Variants in SRGAP3 observed in about 807,000 individuals in gnomAD.
The protein encoded by SRGAP3 is SLIT-ROBO Rho GTPase-activating protein 3.
A neutral mutation model predicts 121.1 loss-of-function variants in SRGAP3; 39 were observed. The observed-to-expected ratio is 0.32, with a 90% confidence interval of 0.25 to 0.42. The LOEUF is 0.42. Among genes scored for constraint, SRGAP3 ranks in the 10% least tolerant of loss-of-function variants. SRGAP3 has a pLI of 1.00. For missense variants in SRGAP3, 1,213 were observed against 1,470.6 expected (o/e 0.82, Z 2.86); for synonymous variants, 601 against 570.0 (o/e 1.05, Z -0.77).
chr3:9,045,347 T>C (rs1479626629), intron 10 of SRGAP3, among the ~76,000 whole-genome samples: 4 of 152,106 alleles, frequency 2.6e-5, no homozygotes, highest in Admixed American at 2.6e-4. Context: ...GCCCCTCTAC[T>C]TCTGAAAATG....
chr3:9,061,701 C>T (rs923287294), intron 5 of SRGAP3, among the ~76,000 whole-genome samples: 2 of 152,154 alleles, frequency 1.3e-5, no homozygotes, highest in African/African-American at 4.8e-5. Context: ...TGCACAAGGT[C>T]ATTTTCAGTC....
chr3:9,176,687 G>A (rs1043391505), intron 1 of SRGAP3, among the ~76,000 whole-genome samples: 12 of 152,210 alleles, frequency 7.9e-5, no homozygotes, highest in African/African-American at 2.9e-4. Context: ...GTCAAAGTAG[G>A]AGCAGGTGCA....
At chr3:9,346,293 G>A (rs1353176530) in intron 1 of SRGAP3, among the ~76,000 whole-genome samples, 1 of 151,890 alleles carries the variant, frequency 6.6e-6, no homozygotes, top group Non-Finnish European at 1.5e-5. Flanking sequence ...CACCCAGGCT[G>A]GAGTGCAGTG....
Position 9,143,361 on chromosome 3 carries a change from G to C in SRGAP3, c.68-18444C>G, listed in dbSNP as rs73119189. 7.9e-3 allele frequency among the ~76,000 whole-genome samples: 1,198 copies of C among 152,224 alleles called. 18 individuals carry two copies. The highest frequency in any genetic ancestry group is 0.027 in the African/African-American group (1,138 of 41,528). ...GGGTTGCCTAGTGCAGTCTGCTCTG[G>C]CAAGAACACAACTTAACAGATTCTA... On this transcript the variant is annotated intron_variant, in intron 1 of 21. Coordinates refer to ENST00000383836, the MANE Select transcript of SRGAP3 (RefSeq NM_014850.4).
At chr3:9,008,948 G>C (rs924443861) in intron 18 of SRGAP3, among the ~76,000 whole-genome samples, 1 of 152,154 alleles carries the variant, frequency 6.6e-6, no homozygotes, top group African/African-American at 2.4e-5. Context: ...GGAATTGCCA[G>C]AGACCACTGC....
chr3:8,990,841 T>A lies in SRGAP3; in HGVS notation c.2559-2A>T. The stretch of plus-strand genomic sequence containing the variant: ...GCTCCATCAGATCGTAACCGCACTC[T>A]GCAAAGGAGCCAGGGGGCGAGGGGC... On this transcript the variant is annotated splice_acceptor_variant, in intron 20 of 21. Coordinates refer to ENST00000383836, the MANE Select transcript of SRGAP3 (RefSeq NM_014850.4). LOFTEE classifies it high-confidence loss of function. 1 of 1,520,210 alleles carries A rather than the reference T, an allele frequency of 6.6e-7. No individual in the cohort carries two copies. The highest frequency in any genetic ancestry group is 2.1e-5 in the Admixed American group (1 of 47,020). 94.2% of individuals were successfully genotyped at this position (1,520,210 alleles called of 1,614,324 possible).
At chr3:9,124,491 G>C (rs1949143200) in intron 2 of SRGAP3, among the ~76,000 whole-genome samples, 1 of 152,152 alleles carries the variant, frequency 6.6e-6, no homozygotes, top group African/African-American at 2.4e-5. Flanking sequence ...CACTCTTCTT[G>C]GGTTGTTCAT....
At chr3:9,188,391 T>C (rs996799173) in intron 1 of SRGAP3, among the ~76,000 whole-genome samples, 1 of 152,112 alleles carries the variant, frequency 6.6e-6, no homozygotes, top group South Asian at 2.1e-4. Context: ...TGGCAGAGAG[T>C]TGTAGACCTA....
chr3:9,053,045 T>G lies in SRGAP3; in HGVS notation c.1305A>C (p.Thr435=). ...IAKRRANQQE[T]EMFYFTKFKE... ...CACTTACTGTAAAATAAAACATTTC[T>G]GTTTCCTGCTGGTTGGCTCTCCTCT... The change falls in exon 9 of 22, where the codon ACA becomes ACC. Residue 435 remains threonine (T), a synonymous_variant. Coordinates refer to ENST00000383836, the MANE Select transcript of SRGAP3 (RefSeq NM_014850.4). 4 of 1,614,132 alleles carry G rather than the reference T, an allele frequency of 2.5e-6. No homozygotes were observed. The East Asian group carries it at 8.9e-5, about 36-fold the overall frequency.
chr3:9,334,183 ATAAT>A (rs1230960559), intron 1 of SRGAP3, among the ~76,000 whole-genome samples: 1 of 152,164 alleles, frequency 6.6e-6, no homozygotes, highest in African/African-American at 2.4e-5. Context: ...CTATGAATAT[ATAAT>A]TATTTCAAAA....
chr3:9,054,833 T>C (rs557000087), intron 8 of SRGAP3, among the ~76,000 whole-genome samples: 2 of 152,380 alleles, frequency 1.3e-5, no homozygotes, highest in South Asian at 2.1e-4. Flanking sequence ...GTATGTGCTC[T>C]ATAAATACTT....
At chr3:9,074,889 C>T (rs1221484193) in intron 4 of SRGAP3, among the ~76,000 whole-genome samples, 1 of 152,188 alleles carries the variant, frequency 6.6e-6, no homozygotes, top group African/African-American at 2.4e-5. Context: ...AGGCCCTCCC[C>T]ACATGGCAAA....
At chr3:9,244,376 C>A (rs2125241710) in intron 1 of SRGAP3, among the ~76,000 whole-genome samples, 1 of 152,134 alleles carries the variant, frequency 6.6e-6, no homozygotes, top group Middle Eastern at 3.4e-3. Context: ...GGTCATCCTC[C>A]ATACCTGCCC....
In SRGAP3 at chr3:9,058,253, C is replaced by T. The variant is rs200240880; in HGVS notation, c.1021G>A (p.Glu341Lys). Residue 341 changes from glutamate to lysine, a missense_variant and splice_region_variant, in exon 7 of 22, where the codon GAG becomes AAG. Around this residue, in one of 2 missense-constraint regions of SRGAP3, gnomAD observed 793 missense variants for 1,032.9 expected, o/e 0.77. Coordinates refer to ENST00000383836, the MANE Select transcript of SRGAP3 (RefSeq NM_014850.4). ...CCGGGCTCCAGGAGGAAGCCTACCT[C>T]ATCCCCCATGTGGGGCTGGAACTCG... Reference protein sequence around the residue: ...KFEFQPHMGDEVCQVSAQQPV... With the variant: ...KFEFQPHMGDKVCQVSAQQPV... 1.2e-6 allele frequency: 2 copies of T among 1,614,158 alleles called. No individual in the cohort carries two copies. Among genetic ancestry groups the T allele is most frequent in the Admixed American group, 1.7e-5 (1 of 60,028 alleles).
At chr3:9,059,901 G>GTA in intron 6 of SRGAP3, 1 of 387,132 alleles carries the variant, frequency 2.6e-6, no homozygotes, top group Middle Eastern at 8.7e-4. Context: ...CATGAACTGT[G>GTA]TATGGTTCCC....
rs779887573 is a variant in SRGAP3, at chr3:9,026,973, A to C, written c.1562T>G (p.Leu521Arg). ...FIKDSGQAIP[L>R]VVESCIRYIN... is the part of the protein sequence containing the mutation. Reference sequence around the variant, plus strand: ...GTAACGGATGCAGCTCTCGACTACAAGCGGTATAGCTTGTCCTGAATCCTT... The same window carrying C: ...GTAACGGATGCAGCTCTCGACTACACGCGGTATAGCTTGTCCTGAATCCTT... Residue 521 changes from leucine to arginine, a missense_variant, in exon 13 of 22, where the codon CTT (leucine) becomes CGT (arginine). Around this residue, in one of 2 missense-constraint regions of SRGAP3, gnomAD observed 793 missense variants for 1,032.9 expected, o/e 0.77. Transcript: ENST00000383836. 3.7e-6 allele frequency: 6 copies of C among 1,614,086 alleles called. No homozygotes were observed. The Admixed American group carries it at 8.3e-5, about 22-fold the overall frequency.
chr3:9,074,166 G>A (rs777762508), intron 4 of SRGAP3, among the ~76,000 whole-genome samples: 2 of 152,206 alleles, frequency 1.3e-5, no homozygotes, highest in African/African-American at 4.8e-5. Context: ...GTTTTCCAGC[G>A]AAACATTCTT....
chr3:9,032,836 T>A, intron 11 of SRGAP3, 84 bp from the exon 12 acceptor site: 1 of 1,235,108 alleles, frequency 8.1e-7, no homozygotes, highest in Non-Finnish European at 1.2e-6. Flanking sequence ...AACCCACGAC[T>A]AAAGGGGAAC....
chr3:9,195,460 T>C (rs1462926349), intron 1 of SRGAP3, among the ~76,000 whole-genome samples: 5 of 152,112 alleles, frequency 3.3e-5, no homozygotes, highest in African/African-American at 4.8e-5. Context: ...TCATCTCATC[T>C]AGGGGTGAGG....
Sources: gnomAD v4.1 joint callset for allele counts (sites outside exome capture counted in the v4.1 genomes callset) on GRCh38, gnomAD v4.1.1 for gene constraint, gnomAD v4.1.1 regional missense constraint, MANE v1.5 for transcripts, NCBI Gene and HGNC (gene_info 2026-07-23, HGNC 2026-07-21) for gene names.